VPS35: variants seen among roughly 807,000 people sequenced by gnomAD.
VPS35 encodes the protein vacuolar protein sorting-associated protein 35.
A neutral mutation model predicts 98.1 loss-of-function variants in VPS35; 21 were observed. That is an observed-to-expected ratio of 0.21 (90% CI 0.15 to 0.31). The LOEUF (loss-of-function observed/expected upper bound fraction) is 0.31. Among genes scored for constraint, VPS35 ranks in the 10% least tolerant of loss-of-function variants. The pLI is 1.00. For synonymous variants in VPS35, 268 were observed against 318.2 expected (o/e 0.84, Z 1.68); for missense variants, 554 against 950.8 (o/e 0.58, Z 5.49).
At chr16:46,669,093 T>C (rs1966031476) in intron 12 of VPS35, 41 bp from the exon 13 acceptor site, 2 of 1,612,548 alleles carry the variant, frequency 1.2e-6, no homozygotes, top group Non-Finnish European at 1.7e-6. Flanking sequence ...TTCCAAACTC[T>C]GATTAATCAT....
At chr16:46,672,590 T>G in intron 10 of VPS35, 118 bp from the exon 11 acceptor site, 1 of 810,324 alleles carries the variant, frequency 1.2e-6, no homozygotes, top group East Asian at 2.6e-5. Flanking sequence ...ATGGGTCAAG[T>G]GAATCATACC....
rs550623756 is a variant in VPS35, at chr16:46,681,146, TA to T, written c.323+230del. On this transcript the variant is annotated intron_variant, in intron 4 of 16. Transcript: ENST00000299138. ...TTAATTTTTCTAATAGTCAAGACAT[TA>T]AAAAAAATAGCAAGCATGTCCATTT... Among the ~76,000 whole-genome samples the T allele has an allele frequency of 1.1e-3, 164 of 151,512 alleles. 2 individuals are homozygous for T. Among genetic ancestry groups the T allele is most frequent in the Middle Eastern group, 0.01 (3 of 294 alleles).
At chr16:46,663,944 C>T (rs945576145) in intron 13 of VPS35, among the ~76,000 whole-genome samples, 3 of 130,194 alleles carry the variant, frequency 2.3e-5, no homozygotes, top group Non-Finnish European at 3.1e-5. Context: ...CTACTGGCCC[C>T]GAGCAAACCT....
In VPS35 at chr16:46,658,310, TACAGGTC is replaced by T. The variant is rs1267873043; in HGVS notation, c.*2155_*2161del. Reference sequence around the variant, plus strand: ...ACAAACCCTTACCATCTTCTGTAACTACAGGTCTGTCTTCACAGCAGACTAACGTTCT... The same window carrying T: ...ACAAACCCTTACCATCTTCTGTAACTTGTCTTCACAGCAGACTAACGTTCT... On this transcript the variant is annotated 3_prime_UTR_variant, in exon 17 of 17. Transcript: ENST00000299138. The T allele has an allele frequency of 1.4e-4, 22 of 153,892 alleles. No individual in the cohort carries two copies. The highest frequency in any genetic ancestry group is 1.4e-3 in the Admixed American group (21 of 15,306). The allele number at this position is 153,892 out of a possible 1,614,324, so 9.5% of individuals were successfully genotyped here. A position where few individuals can be genotyped will look rare whatever the true frequency, so the allele number is the denominator to read the frequency against.
intron 12 of VPS35, 198 bp from the exon 13 acceptor site, chr16:46,669,250 A>C (rs1966033962): frequency 1.5e-6 from 1 of 667,702 alleles, no homozygotes; most frequent in Non-Finnish European, 2.5e-6. Flanking sequence ...TCCATTTCAC[A>C]AATGGGGAAG....
At chr16:46,677,262 TTAATGAAAGATAAAA>T (rs1251645993) in intron 7 of VPS35, 38 bp downstream of exon 7, 1 of 1,529,290 alleles carries the variant, frequency 6.5e-7, no homozygotes, top group African/African-American at 1.4e-5. Flanking sequence ...ACAATTAAAT[TTAATGAAAGATAAAA>T]TAGGTCGTTT....
In VPS35 at chr16:46,669,371, G is replaced by A. The variant is rs115015421; in HGVS notation, c.1525-319C>T. On this transcript the variant is annotated intron_variant, in intron 12 of 16. Coordinates refer to ENST00000299138, the MANE Select transcript of VPS35 (RefSeq NM_018206.6). ...GTGCAAAGTATGCTGCACTGATAAA[G>A]AATGTAGGCTCTGGCCAGGTGTGGT... Among the ~76,000 whole-genome samples, 1,194 of 152,162 alleles carry A rather than the reference G, an allele frequency of 7.8e-3. 16 individuals are homozygous for A. The highest frequency in any genetic ancestry group is 0.027 in the African/African-American group (1,132 of 41,524).
At chr16:46,681,236 T>C in intron 4 of VPS35, 141 bp downstream of exon 4, 1 of 1,200,750 alleles carries the variant, frequency 8.3e-7, no homozygotes, top group South Asian at 1.3e-5. Flanking sequence ...CTAAAACAAG[T>C]AAGAGAATAT....
intron 14 of VPS35, 49 bp downstream of exon 14, chr16:46,662,934 C>G: frequency 6.2e-7 from 1 of 1,611,146 alleles, no homozygotes; most frequent in Non-Finnish European, 8.5e-7. Flanking sequence ...AAACAAGCAA[C>G]TGAACCCAGC....
rs1466199772 is a variant in VPS35 at position 46,674,809 on chromosome 16, G to C, written c.915-149C>G. ...TTTTTGTTTTGTTTTGTTTTGTTTTGAGACAGAGTCTCGCTCTGTCGCCCA... is the reference window on the plus strand; with the variant it reads ...TTTTTGTTTTGTTTTGTTTTGTTTTCAGACAGAGTCTCGCTCTGTCGCCCA... On this transcript the variant is annotated intron_variant, in intron 8 of 16. Transcript: ENST00000299138. The C allele has an allele frequency of 6.1e-6, 5 of 815,808 alleles. No homozygotes were observed. In the East Asian group the frequency reaches 1.1e-4, roughly 18 times the overall value. The allele number at this position is 815,808 out of a possible 1,614,324, so 50.5% of individuals were successfully genotyped here.
At chr16:46,669,969 T>G (rs1408722842) in intron 12 of VPS35, among the ~76,000 whole-genome samples, 2 of 152,198 alleles carry the variant, frequency 1.3e-5, no homozygotes, top group Non-Finnish European at 2.9e-5. Flanking sequence ...AAAAAAATTT[T>G]AAGACCATTT....
At position 46,658,476 on chromosome 16, in the gene VPS35, T is replaced by A. The variant is rs1567465934; in HGVS notation, c.*1996A>T. 1 of 153,792 alleles carries A rather than the reference T, an allele frequency of 6.5e-6. No individual in the cohort carries two copies. The highest frequency in any genetic ancestry group is 1.5e-5 in the Non-Finnish European group (1 of 68,038). 9.5% of individuals were successfully genotyped at this position (153,792 alleles called of 1,614,324 possible). A position where few individuals can be genotyped will look rare whatever the true frequency, so the allele number is the denominator to read the frequency against. Reference sequence around the variant, plus strand: ...TGCTTTTGTTTCACTTTTATTTACTTTTGTTGGTTTATTATTTTTAAAATT... The same window carrying A: ...TGCTTTTGTTTCACTTTTATTTACTATTGTTGGTTTATTATTTTTAAAATT... On this transcript the variant is annotated 3_prime_UTR_variant, in exon 17 of 17. Coordinates refer to ENST00000299138, the MANE Select transcript of VPS35 (RefSeq NM_018206.6).
At chr16:46,669,470 C>A (rs890456899) in intron 12 of VPS35, among the ~76,000 whole-genome samples, 19 of 152,128 alleles carry the variant, frequency 1.2e-4, no homozygotes, top group Non-Finnish European at 1.5e-5. Context: ...AGTTCGAGAC[C>A]AGCCTGGCCA....
chr16:46,677,833 A>G (rs955997109), intron 6 of VPS35: 1 of 187,102 alleles, frequency 5.3e-6, no homozygotes, highest in African/African-American at 2.4e-5. Context: ...GTGCTTGTAT[A>G]TCCTCAGAAA....
At chr16:46,688,502 A>C in intron 1 of VPS35, 1 of 987,838 alleles carries the variant, frequency 1.0e-6, no homozygotes, top group Non-Finnish European at 1.2e-6. Context: ...CACAAATGCT[A>C]AAGTAAACAA....
At chr16:46,669,678 A>G (rs899566766) in intron 12 of VPS35, among the ~76,000 whole-genome samples, 26 of 150,868 alleles carry the variant, frequency 1.7e-4, no homozygotes, top group African/African-American at 5.1e-4. Context: ...AAAAAAAAAA[A>G]AAAGAAAAAA....
chr16:46,680,664 C>G lies in VPS35; in HGVS notation c.506+7G>C, dbSNP rs151159956. The stretch of plus-strand genomic sequence containing the variant: ...TTGCAACAAAATTAAGAAAGAAAAT[C>G]ACTTACTCTGTTGGCTCTCCTTCAT... On this transcript the variant is annotated splice_region_variant and intron_variant, in intron 5 of 16. Coordinates refer to ENST00000299138, the MANE Select transcript of VPS35 (RefSeq NM_018206.6). 3.7e-6 allele frequency: 6 copies of G among 1,613,136 alleles called. No individual in the cohort carries two copies. The African/African-American group carries it at 6.7e-5, about 18-fold the overall frequency.
chr16:46,682,308 C>A, intron 2 of VPS35, 133 bp from the exon 3 acceptor site: 1 of 738,168 alleles, frequency 1.4e-6, no homozygotes, highest in Admixed American at 2.5e-5. Context: ...ATTTTAACCA[C>A]ATTAAAAAAA....
At chr16:46,679,828 A>C (rs1351309673) in intron 5 of VPS35, among the ~76,000 whole-genome samples, 3 of 152,168 alleles carry the variant, frequency 2.0e-5, no homozygotes, top group African/African-American at 7.2e-5. Flanking sequence ...ATTTCTCTAC[A>C]TTGTTAAATG....
Sources: gnomAD v4.1 joint callset for allele counts (sites outside exome capture counted in the v4.1 genomes callset) on GRCh38, gnomAD v4.1.1 for gene constraint, MANE v1.5 for transcripts, NCBI Gene and HGNC (gene_info 2026-07-23, HGNC 2026-07-21) for gene names.